The following TAOK1 variants were observed in gnomAD, a reference collection of about 807,000 sequenced individuals.
TAOK1 encodes serine/threonine-protein kinase TAO1.
In TAOK1, 21 loss-of-function variants were observed where a neutral mutation model predicts 138.3. That is an observed-to-expected ratio of 0.15 (90% CI 0.11 to 0.22). TAOK1 has a LOEUF of 0.22. TAOK1 is among the 10% of genes least tolerant of loss of function. The pLI is 1.00. For synonymous variants in TAOK1, 361 were observed against 398.4 expected (o/e 0.91, Z 1.12); for missense variants, 651 against 1,227.7 (o/e 0.53, Z 7.02).
At chr17:29,392,948 A>G (rs752378720) in intron 1 of TAOK1, among the ~76,000 whole-genome samples, 11 of 152,128 alleles carry the variant, frequency 7.2e-5, no homozygotes, top group Non-Finnish European at 1.6e-4. Context: ...GTCATTTTAT[A>G]TCATGATTTT....
At chr17:29,429,909 A>G (rs763430316) in intron 1 of TAOK1, among the ~76,000 whole-genome samples, 8 of 152,212 alleles carry the variant, frequency 5.3e-5, no homozygotes, top group African/African-American at 9.7e-5. Flanking sequence ...AAATAAGACT[A>G]TAAGATCTAA....
Position 29,543,283 on chromosome 17 carries a change from A to C in TAOK1, c.*261A>C. 2 of 311,364 alleles carry C rather than the reference A, an allele frequency of 6.4e-6. No homozygotes were observed. Among genetic ancestry groups the C allele is most frequent in the East Asian group, 1.2e-4 (2 of 17,158 alleles). 19.3% of individuals were successfully genotyped at this position (311,364 alleles called of 1,614,324 possible). On this transcript the variant is annotated 3_prime_UTR_variant, in exon 20 of 20. Coordinates refer to ENST00000261716, the MANE Select transcript of TAOK1 (RefSeq NM_020791.4). ...TAAAAATAAATGTGTATGTGTGTAC[A>C]TATATATACACACACATACACATAT... is the stretch of plus-strand genomic sequence containing the variant.
intron 19 of TAOK1, among the ~76,000 whole-genome samples, chr17:29,537,609 G>A (rs978670074): frequency 2.0e-5 from 3 of 151,038 alleles, no homozygotes; most frequent in Admixed American, 6.6e-5. Context: ...TGTCCACCTC[G>A]GCCTCCCAAA....
chr17:29,480,323 C>A (rs1325476583), intron 6 of TAOK1, 45 bp from the exon 7 acceptor site: 2 of 1,371,504 alleles, frequency 1.5e-6, no homozygotes, highest in Non-Finnish European at 2.0e-6. Context: ...TAAACATAAT[C>A]TATTGAGGGA....
At position 29,454,022 on chromosome 17, in the gene TAOK1, C is replaced by T. The variant is rs563445519; in HGVS notation, c.132+2342C>T. 1.6e-3 allele frequency among the ~76,000 whole-genome samples: 246 copies of T among 149,750 alleles called. 1 individual carries two copies. The highest frequency in any genetic ancestry group is 5.5e-3 in the African/African-American group (223 of 40,652). ...TTGGAAATGGGGTTTTGCTATGTTGCCCAGGCTGGTGTTGAACTCCTGGGC... is the reference window on the plus strand; with the variant it reads ...TTGGAAATGGGGTTTTGCTATGTTGTCCAGGCTGGTGTTGAACTCCTGGGC... On this transcript the variant is annotated intron_variant, in intron 2 of 19. Transcript: ENST00000261716.
At chr17:29,479,844 CAT>C (rs1263739760) in intron 6 of TAOK1, among the ~76,000 whole-genome samples, 1 of 151,894 alleles carries the variant, frequency 6.6e-6, no homozygotes, top group Admixed American at 6.6e-5. Context: ...CTACATTATC[CAT>C]ATATTTCAGT....
At chr17:29,465,542 C>T (rs1443403618) in intron 2 of TAOK1, among the ~76,000 whole-genome samples, 1 of 151,920 alleles carries the variant, frequency 6.6e-6, no homozygotes, top group South Asian at 2.1e-4. Context: ...GTATAATTTA[C>T]ATACCAGAGG....
intron 1 of TAOK1, among the ~76,000 whole-genome samples, chr17:29,399,668 G>A (rs1192780001): frequency 6.6e-6 from 1 of 152,146 alleles, no homozygotes; most frequent in Non-Finnish European, 1.5e-5. Flanking sequence ...GAAATAGTTA[G>A]AATATCAAGG....
intron 1 of TAOK1, among the ~76,000 whole-genome samples, chr17:29,430,087 A>G (rs1905776970): frequency 6.6e-6 from 1 of 152,188 alleles, no homozygotes; most frequent in Non-Finnish European, 1.5e-5. Flanking sequence ...TTTTGTCACC[A>G]GTAGAGGGTC....
intron 16 of TAOK1, among the ~76,000 whole-genome samples, chr17:29,517,909 G>A (rs1008622861): frequency 1.1e-4 from 16 of 152,050 alleles, no homozygotes; most frequent in African/African-American, 3.6e-4. Flanking sequence ...AGTATGGAGT[G>A]CAGTGGCTCC....
chr17:29,490,337 A>G (rs903351228), intron 9 of TAOK1, among the ~76,000 whole-genome samples: 3 of 152,148 alleles, frequency 2.0e-5, no homozygotes, highest in Admixed American at 1.3e-4. Context: ...CAACAGATTG[A>G]CAATTTTAGA....
chr17:29,510,669 C>G (rs2031704761), intron 14 of TAOK1, among the ~76,000 whole-genome samples, 195 bp from the exon 15 acceptor site: 1 of 152,176 alleles, frequency 6.6e-6, no homozygotes. Flanking sequence ...TGAGTTTCAT[C>G]TTACTGATTC....
At chr17:29,471,744 C>G (rs934988516) in intron 3 of TAOK1, among the ~76,000 whole-genome samples, 1 of 152,104 alleles carries the variant, frequency 6.6e-6, no homozygotes, top group African/African-American at 2.4e-5. Flanking sequence ...AATCTGACAA[C>G]AGTGAAGTTT....
Position 29,534,274 on chromosome 17 carries a change from C to T in TAOK1, c.2518C>T (p.Leu840Phe), listed in dbSNP as rs1208025308. 1.9e-6 allele frequency: 3 copies of T among 1,605,618 alleles called. No individual in the cohort carries two copies. The highest frequency in any genetic ancestry group is 2.5e-6 in the Non-Finnish European group (3 of 1,176,872). Residue 840 changes from leucine (L) to phenylalanine (F), a missense_variant, in exon 19 of 20, where the codon CTC becomes TTC. Around this residue, in one of 8 missense-constraint regions of TAOK1, gnomAD observed 258 missense variants for 548.9 expected, o/e 0.47. Transcript: ENST00000261716. ...ELRELEQRVSLRRALLEQKIE... is the reference protein window; with the variant it reads ...ELRELEQRVSFRRALLEQKIE... Reference sequence around the variant, plus strand: ...TCGCGAGCTTGAACAGAGGGTCTCCCTCCGGAGGGCACTCTTAGAACAAAA... The same window carrying T: ...TCGCGAGCTTGAACAGAGGGTCTCCTTCCGGAGGGCACTCTTAGAACAAAA...
intron 1 of TAOK1, among the ~76,000 whole-genome samples, chr17:29,428,816 C>T (rs565873720): frequency 1.3e-3 from 194 of 149,762 alleles, no homozygotes; most frequent in African/African-American, 4.3e-3. Context: ...TCTGTAGAGA[C>T]AGGGTTCCAC....
intron 1 of TAOK1, among the ~76,000 whole-genome samples, chr17:29,400,129 C>T (rs1904791328): frequency 6.6e-6 from 1 of 152,038 alleles, no homozygotes; most frequent in African/African-American, 2.4e-5. Flanking sequence ...CGTGGTGGCT[C>T]AGGCCTGTAA....
At chr17:29,499,631 CT>C (rs2031488299) in intron 12 of TAOK1, among the ~76,000 whole-genome samples, 2 of 148,620 alleles carry the variant, frequency 1.3e-5, no homozygotes, top group Non-Finnish European at 3.0e-5. Context: ...GCAATCTCGG[CT>C]CACTGCAACC....
At chr17:29,402,711 TTA>T (rs1165751623) in intron 1 of TAOK1, among the ~76,000 whole-genome samples, 2 of 152,098 alleles carry the variant, frequency 1.3e-5, no homozygotes, top group Admixed American at 1.3e-4. Flanking sequence ...CATAAAATTA[TTA>T]TGTGACTAAT....
intron 11 of TAOK1, among the ~76,000 whole-genome samples, chr17:29,497,714 C>CAAAAAAAAA (rs373537264): frequency 7.0e-5 from 7 of 100,606 alleles, no homozygotes; most frequent in African/African-American, 7.5e-5. Context: ...TATTGAAATA[C>CAAAAAAAAA]AAAAAAAAAA....
Sources: gnomAD v4.1 joint callset for allele counts (sites outside exome capture counted in the v4.1 genomes callset) on GRCh38, gnomAD v4.1.1 for gene constraint, gnomAD v4.1.1 regional missense constraint, MANE v1.5 for transcripts, NCBI Gene and HGNC (gene_info 2026-07-23, HGNC 2026-07-21) for gene names.